Variants in DLGAP2 observed in about 807,000 individuals in gnomAD.
DLGAP2 encodes the protein disks large-associated protein 2.
A neutral mutation model predicts 100.3 loss-of-function variants in DLGAP2; 26 were observed. That is an observed-to-expected ratio of 0.26 (90% CI 0.19 to 0.36). The LOEUF (loss-of-function observed/expected upper bound fraction) is 0.36. Among genes scored for constraint, DLGAP2 ranks in the 10% least tolerant of loss-of-function variants. The pLI is 1.00. For missense variants in DLGAP2, 1,858 were observed against 1,453.2 expected (o/e 1.28, Z -4.53); for synonymous variants, 886 against 630.1 (o/e 1.41, Z -6.08).
intron 3 of DLGAP2, among the ~76,000 whole-genome samples, chr8:1,266,063 G>A (rs945067340): frequency 6.6e-6 from 1 of 152,172 alleles, no homozygotes; most frequent in East Asian, 1.9e-4. Flanking sequence ...TATGACAGGG[G>A]ACACCCTTGT....
At chr8:1,546,009 G>A (rs1304179658) in intron 4 of DLGAP2, among the ~76,000 whole-genome samples, 1 of 152,214 alleles carries the variant, frequency 6.6e-6, no homozygotes, top group Non-Finnish European at 1.5e-5. Context: ...CAGCTGTAAA[G>A]TCTGGATTAC....
At chr8:1,590,552 C>T (rs1796260415) in intron 6 of DLGAP2, among the ~76,000 whole-genome samples, 4 of 152,178 alleles carry the variant, frequency 2.6e-5, no homozygotes, top group Admixed American at 2.6e-4. Context: ...AGTTATCTGT[C>T]TTCAAATCAG....
chr8:1,264,243 C>T (rs981769597), intron 3 of DLGAP2, among the ~76,000 whole-genome samples: 3 of 152,154 alleles, frequency 2.0e-5, no homozygotes, highest in Admixed American at 2.0e-4. Context: ...GTTCCAGCTG[C>T]AGTCGCTCCT....
At chr8:1,281,273 G>C (rs1416946671) in intron 3 of DLGAP2, among the ~76,000 whole-genome samples, 1 of 152,180 alleles carries the variant, frequency 6.6e-6, no homozygotes, top group African/African-American at 2.4e-5. Context: ...TGAGCCACGT[G>C]CCACATTGTG....
At chr8:1,094,759 G>A (rs1440587059) in intron 2 of DLGAP2, among the ~76,000 whole-genome samples, 1 of 152,216 alleles carries the variant, frequency 6.6e-6, no homozygotes, top group Non-Finnish European at 1.5e-5. Flanking sequence ...CCCAGCCGCA[G>A]GTTCTTCTCT....
Position 785,290 on chromosome 8 carries a change from A to G in DLGAP2, c.18+47465A>G, listed in dbSNP as rs563056531. ...CACTTCAGATGCGCCGGATCCTGCC[A>G]TGCTTGAGCCAAAGCTCTGGGCGAT... On this transcript the variant is annotated intron_variant, in intron 1 of 14. Coordinates refer to ENST00000637795, the MANE Select transcript of DLGAP2 (RefSeq NM_001346810.2). 4.1e-5 allele frequency among the ~76,000 whole-genome samples: 6 copies of G among 147,074 alleles called. 1 individual carries two copies. In the South Asian group the frequency reaches 1.3e-3, roughly 32 times the overall value.
chr8:1,607,924 G>A (rs1455440123), intron 6 of DLGAP2, among the ~76,000 whole-genome samples: 1 of 146,916 alleles, frequency 6.8e-6, no homozygotes, highest in East Asian at 2.0e-4. Flanking sequence ...TAGCACAGCA[G>A]TCTGAGATCA....
chr8:1,462,747 C>A (rs892159693), intron 3 of DLGAP2, among the ~76,000 whole-genome samples: 1 of 152,186 alleles, frequency 6.6e-6, no homozygotes, highest in South Asian at 2.1e-4. Flanking sequence ...GGAGCCACGT[C>A]CCCCCGCAGA....
intron 3 of DLGAP2, among the ~76,000 whole-genome samples, chr8:1,315,326 C>T (rs980946478): frequency 1.3e-5 from 2 of 148,226 alleles, no homozygotes; most frequent in Admixed American, 6.7e-5. Flanking sequence ...TTGGTCTACA[C>T]TCGAGAAACT....
At chr8:1,600,846 T>C (rs2977218) in intron 6 of DLGAP2, among the ~76,000 whole-genome samples, 33,812 of 152,060 alleles carry the variant, frequency 0.22, 4,633 homozygotes, top group East Asian at 0.48. Context: ...AGGAGTTTAT[T>C]ACCCACTTTC....
chr8:1,453,974 G>GGGCC (rs1798234806), intron 3 of DLGAP2, among the ~76,000 whole-genome samples: 1 of 152,222 alleles, frequency 6.6e-6, no homozygotes, highest in Non-Finnish European at 1.5e-5. Context: ...GGCGTGTGGC[G>GGGCC]CAGGCGATGT....
chr8:1,407,504 C>T (rs1205805072), intron 3 of DLGAP2, among the ~76,000 whole-genome samples: 1 of 146,474 alleles, frequency 6.8e-6, no homozygotes, highest in Non-Finnish European at 1.5e-5. Context: ...TTACTGAGCG[C>T]CACCTCCTCA....
chr8:1,467,759 T>C (rs73534680), intron 3 of DLGAP2, among the ~76,000 whole-genome samples: 9,157 of 152,024 alleles, frequency 0.06, 905 homozygotes, highest in African/African-American at 0.2. Context: ...GGGGGCAGAG[T>C]GGCAGAGACC....
intron 3 of DLGAP2, among the ~76,000 whole-genome samples, chr8:1,466,195 G>A (rs1351042058): frequency 4.6e-5 from 7 of 152,146 alleles, no homozygotes; most frequent in African/African-American, 7.2e-5. Context: ...GGGTCAAACC[G>A]ACAGTAAAAT....
At chr8:1,469,471 G>T (rs951895258) in intron 3 of DLGAP2, among the ~76,000 whole-genome samples, 2 of 152,230 alleles carry the variant, frequency 1.3e-5, no homozygotes, top group Admixed American at 6.5e-5. Flanking sequence ...CATTTCCTGT[G>T]CAGGAGAGGT....
intron 2 of DLGAP2, among the ~76,000 whole-genome samples, chr8:1,074,018 C>A (rs1380115158): frequency 6.8e-6 from 1 of 146,864 alleles, no homozygotes; most frequent in Non-Finnish European, 1.5e-5. Flanking sequence ...CAGACTGAAG[C>A]TGAACTCACC....
intron 6 of DLGAP2, among the ~76,000 whole-genome samples, chr8:1,588,150 G>T (rs866976366): frequency 6.6e-6 from 1 of 152,162 alleles, no homozygotes; most frequent in Admixed American, 6.5e-5. Flanking sequence ...ATAGCCTTCA[G>T]AATGTCTAAC....
chr8:1,430,017 T>TATATATATATATATATATAG (rs1797375715), intron 3 of DLGAP2, among the ~76,000 whole-genome samples: 1 of 92,534 alleles, frequency 1.1e-5, no homozygotes, highest in African/African-American at 4.3e-5. Context: ...CATATATATA[T>TATATATATATATATATATAG]ATATATATAT....
intron 1 of DLGAP2, among the ~76,000 whole-genome samples, chr8:848,894 CGCG>C (rs1563061872): frequency 1.6e-5 from 2 of 124,922 alleles, no homozygotes; most frequent in African/African-American, 2.9e-5. Context: ...CATAGGAACG[CGCG>C]GTGCCTGTTC....
Sources: gnomAD v4.1 joint callset for allele counts (sites outside exome capture counted in the v4.1 genomes callset) on GRCh38, gnomAD v4.1.1 for gene constraint, MANE v1.5 for transcripts, NCBI Gene and HGNC (gene_info 2026-07-23, HGNC 2026-07-21) for gene names.